PALM2AKAP2: variants seen among roughly 807,000 people sequenced by gnomAD.
The protein encoded by PALM2AKAP2 is PALM2 and AKAP2 fusion.
PALM2AKAP2 carries 37 observed loss-of-function variants against 71.5 expected under a neutral mutation model. The ratio of observed to expected loss-of-function variants is 0.52; its 90% CI spans 0.40 to 0.68. PALM2AKAP2 has a LOEUF of 0.68. PALM2AKAP2 is among the 30% of genes least tolerant of loss of function. The pLI, the probability that PALM2AKAP2 is intolerant of heterozygous loss-of-function variation, is 0.00. For synonymous variants in PALM2AKAP2, 468 were observed against 478.8 expected (o/e 0.98, Z 0.29); for missense variants, 1,224 against 1,191.8 (o/e 1.03, Z -0.40).
At chr9:110,046,965 C>G (rs182015731), upstream of PALM2AKAP2, among the ~76,000 whole-genome samples, 1 of 152,030 alleles carries the variant, frequency 6.6e-6, no homozygotes, top group African/African-American at 2.4e-5. Flanking sequence ...TCCAAGCACA[C>G]TCATTTTAAT....
intron 1 of PALM2AKAP2, among the ~76,000 whole-genome samples, chr9:109,691,174 T>TACAC (rs56966509): frequency 0.17 from 24,427 of 147,424 alleles, 2,309 homozygotes; most frequent in South Asian, 0.23. Flanking sequence ...CTTTGAATTT[T>TACAC]ACACACACAC....
chr9:110,163,385 C>T (rs1836652209), intron 3 of PALM2AKAP2, among the ~76,000 whole-genome samples: 1 of 152,080 alleles, frequency 6.6e-6, no homozygotes, highest in Non-Finnish European at 1.5e-5. Flanking sequence ...ACCCACCTAC[C>T]CAGCTTTGTC....
intron 1 of PALM2AKAP2, among the ~76,000 whole-genome samples, chr9:109,842,670 G>A (rs904899342): frequency 1.3e-5 from 2 of 148,772 alleles, no homozygotes; most frequent in Admixed American, 6.7e-5. Flanking sequence ...AGTAAGATGT[G>A]AAAAAAAAAA....
chr9:110,061,016 C>A (rs963300163), intron 1 of PALM2AKAP2, among the ~76,000 whole-genome samples: 2 of 152,102 alleles, frequency 1.3e-5, no homozygotes, highest in African/African-American at 4.8e-5. Context: ...CCTTAGAGAC[C>A]TTTGTCCCGT....
chr9:109,748,861 C>T (rs2118705757), intron 1 of PALM2AKAP2, among the ~76,000 whole-genome samples: 1 of 152,238 alleles, frequency 6.6e-6, no homozygotes, highest in East Asian at 1.9e-4. Context: ...CCATCTTCTC[C>T]CTGTGTCTTC....
chr9:110,081,446 C>A (rs1834447099), intron 1 of PALM2AKAP2, among the ~76,000 whole-genome samples: 1 of 152,148 alleles, frequency 6.6e-6, no homozygotes, highest in South Asian at 2.1e-4. Context: ...AACATAGATT[C>A]CTTTTTTTAG....
At chr9:109,951,057 C>G (rs182844692) in intron 6 of PALM2AKAP2, among the ~76,000 whole-genome samples, 6 of 152,370 alleles carry the variant, frequency 3.9e-5, no homozygotes, top group Admixed American at 6.5e-5. Flanking sequence ...TTGCAGGGTT[C>G]TGGAACATTC....
intron 1 of PALM2AKAP2, among the ~76,000 whole-genome samples, chr9:110,111,737 C>A (rs561590385): frequency 6.6e-6 from 1 of 151,582 alleles, no homozygotes; most frequent in East Asian, 1.9e-4. Context: ...TTGCATCCAG[C>A]GTGCTCAGAA....
chr9:109,979,213 A>C (rs1832224633), intron 6 of PALM2AKAP2, among the ~76,000 whole-genome samples: 1 of 152,056 alleles, frequency 6.6e-6, no homozygotes, highest in Admixed American at 6.5e-5. Flanking sequence ...GGCTGGTCTC[A>C]AACTCCTGAC....
At chr9:110,005,661 C>CG (rs1477962099) in intron 6 of PALM2AKAP2, among the ~76,000 whole-genome samples, 5 of 152,208 alleles carry the variant, frequency 3.3e-5, no homozygotes, top group Non-Finnish European at 7.3e-5. Flanking sequence ...CCTTGAGGTG[C>CG]GGTGGGCTCC....
chr9:110,015,144 C>G (rs78079016), intron 6 of PALM2AKAP2, among the ~76,000 whole-genome samples: 1 of 151,886 alleles, frequency 6.6e-6, no homozygotes, highest in East Asian at 1.9e-4. Context: ...TTAAAAGTGA[C>G]GACACATTCT....
intron 7 of PALM2AKAP2, chr9:110,025,050 A>T: frequency 8.4e-7 from 1 of 1,190,856 alleles, no homozygotes; most frequent in Non-Finnish European, 1.2e-6. Flanking sequence ...ACATTTCAGG[A>T]AGCTATCTCG....
intron 1 of PALM2AKAP2, among the ~76,000 whole-genome samples, chr9:109,766,634 G>T (rs2118752178): frequency 6.6e-6 from 1 of 152,296 alleles, no homozygotes; most frequent in African/African-American, 2.4e-5. Flanking sequence ...TGTTGATAAG[G>T]CAGAAATAGT....
At chr9:109,734,017 A>T (rs1403536811) in intron 1 of PALM2AKAP2, among the ~76,000 whole-genome samples, 2 of 152,222 alleles carry the variant, frequency 1.3e-5, no homozygotes, top group Admixed American at 6.5e-5. Context: ...GAGTAATTTG[A>T]TGAAAGAACA....
chr9:109,763,147 G>A (rs2118741082), intron 1 of PALM2AKAP2, among the ~76,000 whole-genome samples: 1 of 152,262 alleles, frequency 6.6e-6, no homozygotes, highest in East Asian at 1.9e-4. Flanking sequence ...AGTTGGACAG[G>A]TTAACATATC....
chr9:110,124,160 C>T (rs1429097544), intron 1 of PALM2AKAP2, among the ~76,000 whole-genome samples: 1 of 152,296 alleles, frequency 6.6e-6, no homozygotes, highest in East Asian at 1.9e-4. Context: ...TTCAAAAGAG[C>T]CTTCCTGGGC....
chr9:109,665,747 A>T (rs10816850), intron 1 of PALM2AKAP2, among the ~76,000 whole-genome samples: 1 of 152,160 alleles, frequency 6.6e-6, no homozygotes, highest in Non-Finnish European at 1.5e-5. Context: ...GGACGTTTAA[A>T]TCTGCAGAAG....
chr9:109,978,886 A>G (rs969474887), intron 6 of PALM2AKAP2, among the ~76,000 whole-genome samples: 9 of 152,060 alleles, frequency 5.9e-5, no homozygotes, highest in African/African-American at 1.7e-4. Flanking sequence ...CATTTCTCTG[A>G]CTGAGCTGGC....
At chr9:110,168,565 A>G in exon 4 of PALM2AKAP2, 1 of 1,562,890 alleles carries the variant, frequency 6.4e-7, no homozygotes. Flanking sequence ...TAACAACTGA[A>G]AGCATTTTAA....
Sources: gnomAD v4.1 joint callset for allele counts (sites outside exome capture counted in the v4.1 genomes callset) on GRCh38, gnomAD v4.1.1 for gene constraint, MANE v1.5 for transcripts, NCBI Gene and HGNC (gene_info 2026-07-23, HGNC 2026-07-21) for gene names.